HEATR4: variants seen among roughly 807,000 people sequenced by gnomAD.
HEATR4 encodes the protein HEAT repeat containing 4.
Under a neutral mutation model 108.8 loss-of-function variants are expected in HEATR4, and 95 were observed. The observed-to-expected ratio is 0.87, with a 90% CI of 0.74 to 1.04. The LOEUF (loss-of-function observed/expected upper bound fraction) is 1.04. Ranked by LOEUF, HEATR4 falls within the 50% of genes least tolerant of loss-of-function variation. HEATR4 has a pLI of 0.00. For synonymous variants in HEATR4, 443 were observed against 459.4 expected, an observed-to-expected ratio of 0.96 and a Z score of 0.46; for missense variants, 1,152 against 1,253.8, an observed-to-expected ratio of 0.92 and a Z score of 1.23.
chr14:73,484,865 T>C (rs1002077149), intron 17 of HEATR4, among the ~76,000 whole-genome samples: 4 of 149,216 alleles, frequency 2.7e-5, no homozygotes, highest in Non-Finnish European at 4.4e-5. Context: ...CACACACATA[T>C]ATGGTTTTAA....
chr14:73,583,399 CT>C, the HEATR4 span, among the ~76,000 whole-genome samples: 1 of 151,540 alleles, frequency 6.6e-6, no homozygotes, highest in African/African-American at 2.4e-5. Flanking sequence ...ATTTAATCCC[CT>C]TTACCCCAAC....
the HEATR4 span, among the ~76,000 whole-genome samples, chr14:73,605,261 A>T: frequency 6.6e-6 from 1 of 151,360 alleles, no homozygotes; most frequent in Non-Finnish European, 1.5e-5. Context: ...TTATTACCCG[A>T]CTCTAGCCAT....
chr14:73,580,605 A>T, the HEATR4 span: 2 of 134,730 alleles, frequency 1.5e-5, no homozygotes, highest in Non-Finnish European at 3.3e-5. Flanking sequence ...GGGTGGCGTG[A>T]CCTGCTCCAC....
At chr14:73,622,054 C>T in the HEATR4 span, among the ~76,000 whole-genome samples, 3 of 151,948 alleles carry the variant, frequency 2.0e-5, no homozygotes, top group Non-Finnish European at 4.4e-5. Context: ...TGAATCACTG[C>T]GCCTGGCCTG....
intron 16 of HEATR4, 98 bp from the exon 17 acceptor site, chr14:73,493,222 G>A (rs1020407136): frequency 2.0e-6 from 2 of 977,484 alleles, no homozygotes; most frequent in Non-Finnish European, 3.3e-6. Flanking sequence ...AGGCTTCAGT[G>A]TACTGGGTAA....
chr14:73,492,136 C>T lies in HEATR4; in HGVS notation c.2844+930G>A, dbSNP rs1885808990. On this transcript the variant is annotated intron_variant, in intron 17 of 17. Transcript: ENST00000553558. The surrounding 1 kb of genome is among the most constrained non-coding windows in gnomAD (Gnocchi z 4.9). The stretch of plus-strand genomic sequence containing the variant: ...CAACCGAGGAACTGGCTCTGACATC[C>T]AGCCCCAACTTCAGTCAGGACGACC... 1.2e-6 allele frequency: 2 copies of T among 1,613,926 alleles called. No homozygotes were observed. Among genetic ancestry groups the T allele is most frequent in the Non-Finnish European group, 8.5e-7 (1 of 1,179,832 alleles).
the HEATR4 span, among the ~76,000 whole-genome samples, chr14:73,615,401 A>C: frequency 0.23 from 21,536 of 93,484 alleles, 2,615 homozygotes; most frequent in Non-Finnish European, 0.35. Context: ...AAAAAAAAAA[A>C]AAAAAACAAA....
At chr14:73,527,942 CAG>C (rs773348380) in intron 2 of HEATR4, among the ~76,000 whole-genome samples, 27 of 96,162 alleles carry the variant, frequency 2.8e-4, no homozygotes, top group African/African-American at 9.1e-4. Flanking sequence ...GCCTGGGTAA[CAG>C]GGGCAAAACT....
the HEATR4 span, chr14:73,594,960 C>G: frequency 6.6e-7 from 1 of 1,505,064 alleles, no homozygotes; most frequent in Middle Eastern, 2.5e-4. Flanking sequence ...CCGCCTCCGC[C>G]TCGCAGAGTG....
rs1421452273 is a variant in HEATR4 at position 73,533,246 on chromosome 14, C to G, written c.-151-3002G>C. ...AAAGAATTGAAAGCAGGGACTTTAA[C>G]AGATATTTGTATACCCATGTTCATA... On this transcript the variant is annotated intron_variant, in intron 1 of 17. Coordinates refer to ENST00000553558, the MANE Select transcript of HEATR4 (RefSeq NM_001220484.1). 1.7e-5 allele frequency among the ~76,000 whole-genome samples: 2 copies of G among 115,056 alleles called. 1 individual carries two copies. The highest frequency in any genetic ancestry group is 1.3e-3 in the East Asian group (2 of 1,488). The allele number at this position is 115,056 out of a possible 152,430, so 75.5% of individuals were successfully genotyped here.
rs1363473796 is a variant in HEATR4, at chr14:73,551,759, A to T, written c.-152+6992T>A. Among the ~76,000 whole-genome samples the T allele has an allele frequency of 8.3e-5, 9 of 108,720 alleles. 2 individuals are homozygous for T. The highest frequency in any genetic ancestry group is 2.7e-4 in the African/African-American group (9 of 33,080). 71.3% of individuals were successfully genotyped at this position (108,720 alleles called of 152,430 possible). On this transcript the variant is annotated intron_variant, in intron 1 of 17. Transcript: ENST00000553558. ...AGGAGGCCGAGGTTGCAGTGAGCTG[A>T]GACCACGCCATTACACTCCAGCCTG...
chr14:73,545,729 A>T (rs1240426197), intron 1 of HEATR4, among the ~76,000 whole-genome samples: 1 of 100,864 alleles, frequency 9.9e-6, no homozygotes, highest in Non-Finnish European at 2.1e-5. Flanking sequence ...AAAGTGCAAT[A>T]GTTAAAACTT....
In HEATR4 at chr14:73,547,510, C is replaced by T. The variant is rs1158733367; in HGVS notation, c.-152+11241G>A. On this transcript the variant is annotated intron_variant, in intron 1 of 17. Transcript: ENST00000553558. Reference sequence around the variant, plus strand: ...ACAGGCAATCACCACTGCACCTGGCCATCATGAATAATTTTAAAGGGAACC... The same window carrying T: ...ACAGGCAATCACCACTGCACCTGGCTATCATGAATAATTTTAAAGGGAACC... Among the ~76,000 whole-genome samples the T allele has an allele frequency of 3.6e-4, 42 of 115,134 alleles. 11 individuals are homozygous for T. Among genetic ancestry groups the T allele is most frequent in the African/African-American group, 1.0e-3 (36 of 35,550 alleles). 75.5% of individuals were successfully genotyped at this position (115,134 alleles called of 152,430 possible).
At chr14:73,602,543 A>T in the HEATR4 span, among the ~76,000 whole-genome samples, 2 of 152,170 alleles carry the variant, frequency 1.3e-5, no homozygotes, top group African/African-American at 4.8e-5. Context: ...TGTAAAGCTC[A>T]GGGCCCTTGT....
chr14:73,548,991 G>C lies in HEATR4; in HGVS notation c.-152+9760C>G, dbSNP rs1235473062. Among the ~76,000 whole-genome samples the C allele has an allele frequency of 4.7e-5, 5 of 107,232 alleles. 1 individual carries two copies. The highest frequency in any genetic ancestry group is 6.1e-5 in the African/African-American group (2 of 33,020). The allele number at this position is 107,232 out of a possible 152,430, so 70.3% of individuals were successfully genotyped here. On this transcript the variant is annotated intron_variant, in intron 1 of 17. Transcript: ENST00000553558. Reference sequence around the variant, plus strand: ...GTGGTGAGGACACTTGTCTTAGTCTGTTCAACTGCAGTAACAAAATGTCTT... The same window carrying C: ...GTGGTGAGGACACTTGTCTTAGTCTCTTCAACTGCAGTAACAAAATGTCTT...
intron 5 of HEATR4, among the ~76,000 whole-genome samples, chr14:73,516,527 A>G (rs1052163337): frequency 1.3e-5 from 2 of 150,130 alleles, no homozygotes; most frequent in African/African-American, 2.5e-5. Context: ...ATAGGAATAA[A>G]AAATACAACT....
At chr14:73,591,529 GAGA>G in the HEATR4 span, among the ~76,000 whole-genome samples, 6 of 150,946 alleles carry the variant, frequency 4.0e-5, no homozygotes, top group African/African-American at 1.5e-4. Flanking sequence ...GGCGACAGAG[GAGA>G]CTCTGTTTCA....
In HEATR4 at chr14:73,502,961, A is replaced by G. The variant is rs1886573449; in HGVS notation, c.2039T>C (p.Val680Ala). The change falls in exon 11 of 18, where the codon GTG becomes GCG. Residue 680 changes from valine (V) to alanine (A), a missense_variant. Coordinates refer to ENST00000553558, the MANE Select transcript of HEATR4 (RefSeq NM_001220484.1). ...QLMWNDWNKE[V>A]RRAAAQALGQ... Reference sequence around the variant, plus strand: ...AAGCGCCTGTGCAGCTGCTCTCCTCACTTCCTTATTCCAGTCATTCCACAT... The same window carrying G: ...AAGCGCCTGTGCAGCTGCTCTCCTCGCTTCCTTATTCCAGTCATTCCACAT... 1 of 1,613,786 alleles carries G rather than the reference A, an allele frequency of 6.2e-7. No homozygotes were observed. The highest frequency in any genetic ancestry group is 1.3e-5 in the African/African-American group (1 of 74,866).
At chr14:73,585,631 A>G in the HEATR4 span, among the ~76,000 whole-genome samples, 5 of 151,848 alleles carry the variant, frequency 3.3e-5, no homozygotes, top group African/African-American at 4.8e-5. Flanking sequence ...TGGAGGTCCA[A>G]TGAGCCGGGA....
Sources: gnomAD v4.1 joint callset for allele counts (sites outside exome capture counted in the v4.1 genomes callset) on GRCh38, gnomAD v4.1.1 for gene constraint, Gnocchi (gnomAD v3.1) non-coding constraint, MANE v1.5 for transcripts, NCBI Gene and HGNC (gene_info 2026-07-23, HGNC 2026-07-21) for gene names.